LRP1B: variants seen among roughly 807,000 people sequenced by gnomAD.
LRP1B encodes low-density lipoprotein receptor-related protein 1B.
LRP1B carries 217 observed loss-of-function variants against 556.6 expected under a neutral mutation model. That is an observed-to-expected ratio of 0.39 (90% CI 0.35 to 0.44). LRP1B has a LOEUF of 0.44. Among genes scored for constraint, LRP1B ranks in the 20% least tolerant of loss-of-function variants. The pLI, the probability that LRP1B is intolerant of heterozygous loss-of-function variation, is 1.00. For missense variants in LRP1B, 5,053 were observed against 5,620.8 expected, an observed-to-expected ratio of 0.90 and a Z score of 3.23; for synonymous variants, 2,047 against 1,865.8, an observed-to-expected ratio of 1.10 and a Z score of -2.50.
intron 3 of LRP1B, among the ~76,000 whole-genome samples, chr2:141,275,242 C>T (rs1685242326): frequency 6.6e-6 from 1 of 152,072 alleles, no homozygotes; most frequent in South Asian, 2.1e-4. Context: ...GTTCAGCTCT[C>T]TAGATAATAT....
At chr2:140,851,506 A>G (rs777360981) in intron 28 of LRP1B, 146 bp downstream of exon 28, 2 of 750,396 alleles carry the variant, frequency 2.7e-6, no homozygotes, top group Non-Finnish European at 4.2e-6. Context: ...TCAATAGTGG[A>G]TGGAAATAGC....
intron 32 of LRP1B, among the ~76,000 whole-genome samples, chr2:140,806,553 A>T (rs189550019): frequency 1.9e-3 from 288 of 152,310 alleles, no homozygotes; most frequent in African/African-American, 6.4e-3. Flanking sequence ...TACCCCTTAT[A>T]GGGCCCAGGG....
intron 3 of LRP1B, among the ~76,000 whole-genome samples, chr2:141,283,316 T>G (rs1685576478): frequency 6.6e-6 from 1 of 151,970 alleles, no homozygotes; most frequent in African/African-American, 2.4e-5. Flanking sequence ...TAAAGATTTA[T>G]CTAAAAGGAA....
chr2:140,509,608 G>A lies in LRP1B; in HGVS notation c.8398+320C>T, dbSNP rs114844180. On this transcript the variant is annotated intron_variant, in intron 52 of 90. Coordinates refer to ENST00000389484, the MANE Select transcript of LRP1B (RefSeq NM_018557.3). ...AAGGATGGTGGTGGACGACGCAAAA[G>A]AGAAAGTACCAAACCTACTGCACTC... Among the ~76,000 whole-genome samples, 348 of 152,278 alleles carry A rather than the reference G, an allele frequency of 2.3e-3. 3 individuals carry two copies. Among genetic ancestry groups the A allele is most frequent in the African/African-American group, 8.3e-3 (345 of 41,562 alleles).
chr2:142,006,300 T>C (rs1246898605), intron 1 of LRP1B, among the ~76,000 whole-genome samples: 1 of 152,134 alleles, frequency 6.6e-6, no homozygotes, highest in Non-Finnish European at 1.5e-5. Context: ...AATAGAAGGG[T>C]TAATCAAAAC....
chr2:141,687,721 T>G (rs1691364275), intron 2 of LRP1B, among the ~76,000 whole-genome samples: 1 of 151,948 alleles, frequency 6.6e-6, no homozygotes, highest in Admixed American at 6.6e-5. Context: ...GAAATTTCTT[T>G]TTCCACGTGA....
intron 49 of LRP1B, among the ~76,000 whole-genome samples, chr2:140,518,589 A>T (rs1690017712): frequency 6.6e-6 from 1 of 152,174 alleles, no homozygotes. Flanking sequence ...GAAAATTAAG[A>T]ATCTTGGCAC....
intron 12 of LRP1B, among the ~76,000 whole-genome samples, chr2:141,017,415 TG>T (rs67331115): frequency 0.55 from 81,582 of 148,798 alleles, 23,349 homozygotes; most frequent in Admixed American, 0.62. Context: ...CATGGCAACA[TG>T]TTTTTTTTTT....
Position 140,450,648 on chromosome 2 carries a change from G to A in LRP1B, c.9977C>T (p.Thr3326Ile), listed in dbSNP as rs200426930. The change falls in exon 63 of 91, where the codon ACT becomes ATT. Residue 3326 changes from threonine (T) to isoleucine (I), a missense_variant. Transcript: ENST00000389484. Reference sequence around the variant, plus strand: ...CCACCAGAATGGAATACATTTGTCAGTTTTGCAACGAAACTTAAAAAAGAA... The same window carrying A: ...CCACCAGAATGGAATACATTTGTCAATTTTGCAACGAAACTTAAAAAAGAA... ...NCTASQFRCK[T>I]DKCIPFWWKC... The A allele has an allele frequency of 6.2e-7, 1 of 1,606,724 alleles. No individual in the cohort carries two copies. The highest frequency in any genetic ancestry group is 1.1e-5 in the South Asian group (1 of 90,018).
intron 41 of LRP1B, among the ~76,000 whole-genome samples, chr2:140,661,491 C>T (rs1211915721): frequency 6.8e-6 from 1 of 146,910 alleles, no homozygotes; most frequent in Non-Finnish European, 1.5e-5. Flanking sequence ...GAGACCCCAT[C>T]TCTACAAATA....
At chr2:140,505,891 A>C (rs548608615) in intron 53 of LRP1B, among the ~76,000 whole-genome samples, 1 of 152,224 alleles carries the variant, frequency 6.6e-6, no homozygotes, top group Non-Finnish European at 1.5e-5. Flanking sequence ...TTACGAAAAC[A>C]TTAAGTTCAC....
chr2:140,721,713 A>AT lies in LRP1B; in HGVS notation c.5759-4898dup, dbSNP rs10616732. On this transcript the variant is annotated intron_variant, in intron 35 of 90. Transcript: ENST00000389484. Reference sequence around the variant, plus strand: ...CAGGCGCCCACCAGCACACCCGGCTATTTTTTTTTTTTTTTTTGTATTTTT... The same window carrying AT: ...CAGGCGCCCACCAGCACACCCGGCTATTTTTTTTTTTTTTTTTTGTATTTTT... Among the ~76,000 whole-genome samples the AT allele has an allele frequency of 9.1e-3, 1,140 of 125,598 alleles. 12 individuals are homozygous for AT. The highest frequency in any genetic ancestry group is 0.058 in the South Asian group (222 of 3,840). 82.4% of individuals were successfully genotyped at this position (125,598 alleles called of 152,430 possible).
chr2:140,676,994 T>G (rs1685693631), intron 41 of LRP1B, among the ~76,000 whole-genome samples: 2 of 152,344 alleles, frequency 1.3e-5, no homozygotes, highest in Non-Finnish European at 1.5e-5. Flanking sequence ...TCATTGCAAT[T>G]TATTTTTGAT....
At chr2:141,482,931 C>A (rs1217278488) in intron 2 of LRP1B, among the ~76,000 whole-genome samples, 2 of 126,692 alleles carry the variant, frequency 1.6e-5, no homozygotes, top group African/African-American at 5.6e-5. Context: ...TCACAAGCAG[C>A]AAGATTTTTT....
chr2:141,812,990 G>T (rs1696408815), intron 1 of LRP1B, among the ~76,000 whole-genome samples: 1 of 152,026 alleles, frequency 6.6e-6, no homozygotes. Context: ...TGCTCATGGT[G>T]GGGAGTGGAA....
At chr2:140,270,787 C>G in intron 85 of LRP1B, among the ~76,000 whole-genome samples, 1 of 151,812 alleles carries the variant, frequency 6.6e-6, no homozygotes, top group Non-Finnish European at 1.5e-5. Context: ...AAATCTGTTT[C>G]AAAGAATGCT....
rs543786287 is a variant in LRP1B, at chr2:140,933,488, AG to A, written c.3137-10342del. On this transcript the variant is annotated intron_variant, in intron 20 of 90. Transcript: ENST00000389484. ...TAGTCATTAATCATAACTTGAGAAT[AG>A]GGAACCAGAATTTAAAGACTAAGGA... 2.1e-3 allele frequency among the ~76,000 whole-genome samples: 323 copies of A among 152,222 alleles called. 1 individual carries two copies. The highest frequency in any genetic ancestry group is 7.1e-3 in the African/African-American group (297 of 41,584).
intron 4 of LRP1B, among the ~76,000 whole-genome samples, chr2:141,251,337 A>G (rs1195080073): frequency 1.3e-5 from 2 of 152,144 alleles, no homozygotes; most frequent in Non-Finnish European, 2.9e-5. Context: ...ACCAGATAGC[A>G]GTAAATGGAG....
chr2:141,826,326 T>C (rs531487786), intron 1 of LRP1B, among the ~76,000 whole-genome samples: 1 of 151,366 alleles, frequency 6.6e-6, no homozygotes, highest in East Asian at 1.9e-4. Flanking sequence ...TGATAGACCA[T>C]TATATGACTT....
Sources: allele counts gnomAD v4.1 joint callset (sites outside exome capture counted in the v4.1 genomes callset), GRCh38; gene constraint gnomAD v4.1.1; transcripts MANE v1.5; gene names NCBI Gene and HGNC (gene_info 2026-07-23, HGNC 2026-07-21).